Variants in HCN1 observed in about 807,000 individuals in gnomAD.
The protein encoded by HCN1 is hyperpolarization activated cyclic nucleotide gated potassium channel 1.
HCN1 carries 13 observed loss-of-function variants against 78.9 expected under a neutral mutation model. The observed-to-expected ratio is 0.16, with a 90% CI of 0.11 to 0.26. HCN1 has a LOEUF of 0.26. HCN1 is among the 10% of genes least tolerant of loss of function. The pLI is 1.00. For missense variants in HCN1, 810 were observed against 1,154.3 expected (o/e 0.70, Z 4.32); for synonymous variants, 552 against 455.5 (o/e 1.21, Z -2.70).
intron 5 of HCN1, among the ~76,000 whole-genome samples, chr5:45,350,820 G>T (rs1003268243): frequency 2.6e-5 from 4 of 152,112 alleles, no homozygotes; most frequent in African/African-American, 9.7e-5. Flanking sequence ...ACTTACAAGG[G>T]ACGTGAAGGA....
At chr5:45,563,427 G>A (rs573014731) in intron 2 of HCN1, among the ~76,000 whole-genome samples, 9 of 151,898 alleles carry the variant, frequency 5.9e-5, no homozygotes, top group Non-Finnish European at 8.8e-5. Flanking sequence ...CTCCAGCCTG[G>A]AGGACAAAAG....
At chr5:45,494,700 C>T (rs1053880663) in intron 2 of HCN1, among the ~76,000 whole-genome samples, 39 of 152,052 alleles carry the variant, frequency 2.6e-4, no homozygotes, top group Admixed American at 1.2e-3. Context: ...ATGGTAATGC[C>T]TAGGTTTTCT....
intron 6 of HCN1, among the ~76,000 whole-genome samples, chr5:45,276,428 AG>A (rs1745060304): frequency 6.6e-6 from 1 of 152,142 alleles, no homozygotes. Flanking sequence ...CTGCAATTCT[AG>A]CAAGGGATAA....
intron 2 of HCN1, among the ~76,000 whole-genome samples, chr5:45,560,304 T>G (rs1743570542): frequency 6.6e-6 from 1 of 152,104 alleles, no homozygotes; most frequent in South Asian, 2.1e-4. Flanking sequence ...ACTGAAATTT[T>G]ATGTATTTTT....
chr5:45,313,731 A>G (rs1402074918), intron 5 of HCN1, among the ~76,000 whole-genome samples: 1 of 152,270 alleles, frequency 6.6e-6, no homozygotes, highest in African/African-American at 2.4e-5. Flanking sequence ...CACAAGCTTC[A>G]GTAGCCAATT....
intron 5 of HCN1, among the ~76,000 whole-genome samples, chr5:45,343,845 CA>C (rs568032585): frequency 0.017 from 2,507 of 146,432 alleles, 67 homozygotes; most frequent in African/African-American, 0.058. Flanking sequence ...TTAAAGAAGC[CA>C]AAAAAAAATT....
intron 6 of HCN1, among the ~76,000 whole-genome samples, chr5:45,293,697 CTAAG>C (rs1745426396): frequency 6.6e-6 from 1 of 151,770 alleles, no homozygotes; most frequent in Admixed American, 6.6e-5. Context: ...CCTAATTTTC[CTAAG>C]TATGTCAGAT....
chr5:45,653,252 C>G (rs1442824478), intron 1 of HCN1, among the ~76,000 whole-genome samples: 1 of 152,048 alleles, frequency 6.6e-6, no homozygotes, highest in Admixed American at 6.6e-5. Flanking sequence ...AATTCCAGTT[C>G]CTTCACAGAA....
chr5:45,375,659 G>T (rs867628300), intron 4 of HCN1, among the ~76,000 whole-genome samples: 868 of 68,804 alleles, frequency 0.013, 10 homozygotes, highest in East Asian at 0.029. Flanking sequence ...TTATATATAA[G>T]ATCATATTTT....
At chr5:45,402,014 G>T (rs866800162) in intron 3 of HCN1, among the ~76,000 whole-genome samples, 1 of 152,088 alleles carries the variant, frequency 6.6e-6, no homozygotes, top group Non-Finnish European at 1.5e-5. Flanking sequence ...TCTAAAACAC[G>T]AAGTTTGATG....
chr5:45,532,010 A>G (rs1447704356), intron 2 of HCN1, among the ~76,000 whole-genome samples: 1 of 152,212 alleles, frequency 6.6e-6, no homozygotes, highest in Non-Finnish European at 1.5e-5. Context: ...ACTGCACTCC[A>G]GCCTGGGCGA....
At chr5:45,470,281 A>G (rs1160252522) in intron 2 of HCN1, among the ~76,000 whole-genome samples, 1 of 151,986 alleles carries the variant, frequency 6.6e-6, no homozygotes, top group Admixed American at 6.6e-5. Context: ...AAAAGAAATC[A>G]CTAAGTACAT....
At chr5:45,611,944 G>T (rs931103741) in intron 2 of HCN1, among the ~76,000 whole-genome samples, 4 of 151,944 alleles carry the variant, frequency 2.6e-5, no homozygotes, top group African/African-American at 9.7e-5. Context: ...TAGATCTGAA[G>T]TGCATCTTAT....
At chr5:45,522,133 T>A (rs907081752) in intron 2 of HCN1, among the ~76,000 whole-genome samples, 1 of 152,014 alleles carries the variant, frequency 6.6e-6, no homozygotes, top group Non-Finnish European at 1.5e-5. Flanking sequence ...TTATTCCACT[T>A]CTTTAAAATA....
At chr5:45,295,893 T>C (rs1017082414) in intron 6 of HCN1, among the ~76,000 whole-genome samples, 2 of 152,026 alleles carry the variant, frequency 1.3e-5, no homozygotes, top group Admixed American at 6.6e-5. Flanking sequence ...TAGGCAGGGA[T>C]TGTATAATAT....
chr5:45,523,968 T>A (rs1022159216), intron 2 of HCN1, among the ~76,000 whole-genome samples: 2 of 152,170 alleles, frequency 1.3e-5, no homozygotes, highest in African/African-American at 4.8e-5. Context: ...TGCCTAGGTT[T>A]TCTTCTAGGG....
At chr5:45,543,191 T>C (rs1743139458) in intron 2 of HCN1, among the ~76,000 whole-genome samples, 1 of 152,064 alleles carries the variant, frequency 6.6e-6, no homozygotes, top group African/African-American at 2.4e-5. Context: ...TTTGGTAAAT[T>C]AACAAGAAAG....
intron 5 of HCN1, among the ~76,000 whole-genome samples, chr5:45,306,731 ACT>A: frequency 6.6e-6 from 1 of 152,158 alleles, no homozygotes; most frequent in East Asian, 1.9e-4. Context: ...AATAAAACAC[ACT>A]GTTACTATCT....
intron 5 of HCN1, among the ~76,000 whole-genome samples, chr5:45,311,115 T>C (rs1389794443): frequency 6.6e-6 from 1 of 152,182 alleles, no homozygotes; most frequent in Middle Eastern, 3.2e-3. Context: ...ATTATCTCCA[T>C]GTTCATCTAT....
Sources: gnomAD v4.1 joint callset for allele counts (sites outside exome capture counted in the v4.1 genomes callset) on GRCh38, gnomAD v4.1.1 for gene constraint, MANE v1.5 for transcripts, NCBI Gene and HGNC (gene_info 2026-07-23, HGNC 2026-07-21) for gene names.